LRRIQ1: variants seen among roughly 807,000 people sequenced by gnomAD.
LRRIQ1 encodes the protein leucine-rich repeat- and IQ domain-containing protein 1.
In LRRIQ1, 210 loss-of-function variants were observed where a neutral mutation model predicts 211.9. The ratio of observed to expected loss-of-function variants is 0.99; its 90% confidence interval spans 0.89 to 1.11. LRRIQ1 has a LOEUF of 1.11. Ranked by LOEUF, LRRIQ1 falls within the 50% of genes most tolerant of loss-of-function variation. The pLI is 0.00. For missense variants in LRRIQ1, 2,136 were observed against 1,939.5 expected, an observed-to-expected ratio of 1.10 and a Z score of -1.90; for synonymous variants, 699 against 650.1, an observed-to-expected ratio of 1.08 and a Z score of -1.14.
At chr12:85,181,019 A>G (rs1891954993) in intron 24 of LRRIQ1, among the ~76,000 whole-genome samples, 1 of 138,382 alleles carries the variant, frequency 7.2e-6, no homozygotes, top group African/African-American at 2.8e-5. Flanking sequence ...CAAATTTGAT[A>G]AGCAGGTTTA....
Position 85,192,687 on chromosome 12 carries a change from T to A in LRRIQ1, c.4822+31973T>A, listed in dbSNP as rs1232802526. ...TATATAGTTATATACTATAATTATATATAAATATATAGTTATATACTATAA... is the reference window on the plus strand; with the variant it reads ...TATATAGTTATATACTATAATTATAAATAAATATATAGTTATATACTATAA... On this transcript the variant is annotated intron_variant, in intron 24 of 26. Coordinates refer to ENST00000393217, the MANE Select transcript of LRRIQ1 (RefSeq NM_001079910.2). Among the ~76,000 whole-genome samples, 7 of 61,672 alleles carry A rather than the reference T, an allele frequency of 1.1e-4. 1 individual carries two copies. Among genetic ancestry groups the A allele is most frequent in the South Asian group, 8.5e-4 (2 of 2,350 alleles). 40.5% of individuals were successfully genotyped at this position (61,672 alleles called of 152,430 possible). A position where few individuals can be genotyped will look rare whatever the true frequency, so the allele number is the denominator to read the frequency against.
At chr12:85,210,863 A>G (rs1468085695) in intron 24 of LRRIQ1, among the ~76,000 whole-genome samples, 1 of 152,218 alleles carries the variant, frequency 6.6e-6, no homozygotes, top group African/African-American at 2.4e-5. Context: ...GCTCAGCACT[A>G]TAAAGATAAT....
At position 85,065,288 on chromosome 12, in the gene LRRIQ1, G is replaced by T. The variant is rs1277488547; in HGVS notation, c.2418G>T (p.Leu806Phe). Residue 806 changes from leucine to phenylalanine, a missense_variant, in exon 9 of 27, where the codon TTG (leucine) becomes TTT (phenylalanine). Physicochemically the swap from Leu to Phe is conservative, Grantham distance 22. Coordinates refer to ENST00000393217, the MANE Select transcript of LRRIQ1 (RefSeq NM_001079910.2). Reference sequence around the variant, plus strand: ...TTACAACAGTTACATTTCAAGATTTGCCAGGCTGTGTTCTCTCCACACTGG... The same window carrying T: ...TTACAACAGTTACATTTCAAGATTTTCCAGGCTGTGTTCTCTCCACACTGG... ...QQVTTVTFQDLPGCVLSTLAE... is the reference protein window; with the variant it reads ...QQVTTVTFQDFPGCVLSTLAE... 1.9e-6 allele frequency: 3 copies of T among 1,609,482 alleles called. No individual in the cohort carries two copies. The highest frequency in any genetic ancestry group is 1.1e-5 in the South Asian group (1 of 90,808).
rs540082543 is a variant in LRRIQ1 at position 85,231,591 on chromosome 12, G to C, written c.4956-1105G>C. ...GAGTTGTTCAAGGAACATGGCACCAGAATCTGCTTGGTGTCTGATGCCAGG... is the reference window on the plus strand; with the variant it reads ...GAGTTGTTCAAGGAACATGGCACCACAATCTGCTTGGTGTCTGATGCCAGG... On this transcript the variant is annotated intron_variant, in intron 25 of 26. Coordinates refer to ENST00000393217, the MANE Select transcript of LRRIQ1 (RefSeq NM_001079910.2). 2.0e-5 allele frequency among the ~76,000 whole-genome samples: 3 copies of C among 152,302 alleles called. No homozygotes were observed. In the East Asian group the frequency reaches 5.8e-4, roughly 29 times the overall value.
At chr12:85,208,772 T>A (rs1893690532) in intron 24 of LRRIQ1, among the ~76,000 whole-genome samples, 1 of 152,186 alleles carries the variant, frequency 6.6e-6, no homozygotes, top group Non-Finnish European at 1.5e-5. Flanking sequence ...ATGCATTATC[T>A]ATGCAGTTAT....
chr12:85,052,352 TATAAG>T (rs1880443547), intron 7 of LRRIQ1, 101 bp downstream of exon 7: 3 of 567,698 alleles, frequency 5.3e-6, no homozygotes, highest in Middle Eastern at 2.9e-4. Context: ...GCCTAAGTAG[TATAAG>T]ATTTTAGTTT....
Position 85,153,100 on chromosome 12 carries a change from A to G in LRRIQ1, c.4496A>G (p.Asp1499Gly), listed in dbSNP as rs1363405775. The change falls in exon 21 of 27, where the codon GAC (aspartate) becomes GGC (glycine). Residue 1499 changes from aspartate (D) to glycine (G), a missense_variant. Coordinates refer to ENST00000393217, the MANE Select transcript of LRRIQ1 (RefSeq NM_001079910.2). ...SNPAQAWLCN[D>G]KENLSSSEHT... Reference sequence around the variant, plus strand: ...CCAGCTCAAGCATGGTTATGTAATGACAAAGAAAATTTGTCTTCTTCAGAA... The same window carrying G: ...CCAGCTCAAGCATGGTTATGTAATGGCAAAGAAAATTTGTCTTCTTCAGAA... The G allele has an allele frequency of 1.3e-6, 2 of 1,590,742 alleles. No homozygotes were observed. The highest frequency in any genetic ancestry group is 3.5e-5 in the Admixed American group (2 of 57,516).
intron 7 of LRRIQ1, 58 bp from the exon 8 acceptor site, chr12:85,055,487 ATT>A (rs1432602780): frequency 2.4e-6 from 3 of 1,268,462 alleles, no homozygotes; most frequent in East Asian, 2.8e-5. Context: ...TTCAGATGAC[ATT>A]TTAGTAACAT....
chr12:85,088,182 G>A (rs1885021007), intron 11 of LRRIQ1, among the ~76,000 whole-genome samples: 1 of 152,094 alleles, frequency 6.6e-6, no homozygotes, highest in Non-Finnish European at 1.5e-5. Context: ...AGTTTTCCCA[G>A]CACCATTTAT....
rs189910014 is a variant in LRRIQ1 at position 85,229,739 on chromosome 12, C to T, written c.4955+90C>T. On this transcript the variant is annotated intron_variant, in intron 25 of 26. Coordinates refer to ENST00000393217, the MANE Select transcript of LRRIQ1 (RefSeq NM_001079910.2). ...GTTAATTGTGCTAAAACAAACATGA[C>T]TTTATTGCCAAAGGCCAATACGCTA... 7.1e-4 allele frequency: 954 copies of T among 1,349,688 alleles called. 2 individuals carry two copies. Among genetic ancestry groups the T allele is most frequent in the Admixed American group, 1.9e-3 (87 of 46,688 alleles). The allele number at this position is 1,349,688 out of a possible 1,614,324, so 83.6% of individuals were successfully genotyped here. A position where few individuals can be genotyped will look rare whatever the true frequency, so the allele number is the denominator to read the frequency against.
At chr12:85,138,714 A>T (rs371318750) in intron 19 of LRRIQ1, among the ~76,000 whole-genome samples, 2 of 151,698 alleles carry the variant, frequency 1.3e-5, no homozygotes, top group East Asian at 3.9e-4. Context: ...AAATTTTTAA[A>T]TGCTGTAATT....
intron 19 of LRRIQ1, among the ~76,000 whole-genome samples, chr12:85,142,727 C>T (rs999794869): frequency 1.3e-5 from 2 of 151,556 alleles, no homozygotes; most frequent in African/African-American, 4.8e-5. Flanking sequence ...GAGGTATTCT[C>T]TTTCTGTGCC....
chr12:85,115,310 A>G lies in LRRIQ1; in HGVS notation c.3378-6387A>G, dbSNP rs182563841. Among the ~76,000 whole-genome samples the G allele has an allele frequency of 1.4e-4, 21 of 152,320 alleles. No homozygotes were observed. In the East Asian group the frequency reaches 2.7e-3, roughly 20 times the overall value. On this transcript the variant is annotated intron_variant, in intron 15 of 26. Coordinates refer to ENST00000393217, the MANE Select transcript of LRRIQ1 (RefSeq NM_001079910.2). ...AGTCTGCATTTAGAACTTGAGGCCA[A>G]TCCATGCACTGCTCTGTTATGCAGT...
chr12:85,222,875 G>A (rs1894466469), intron 24 of LRRIQ1, among the ~76,000 whole-genome samples: 1 of 152,046 alleles, frequency 6.6e-6, no homozygotes, highest in Non-Finnish European at 1.5e-5. Context: ...CCACATATAG[G>A]ACTGCTCACT....
intron 8 of LRRIQ1, among the ~76,000 whole-genome samples, chr12:85,062,657 A>G (rs191835062): frequency 1.3e-5 from 2 of 151,680 alleles, no homozygotes; most frequent in African/African-American, 4.8e-5. Flanking sequence ...TGCTGCGATG[A>G]ACATACCGAT....
Position 85,118,499 on chromosome 12 carries a change from G to GTTTT in LRRIQ1, c.3378-3185_3378-3182dup, listed in dbSNP as rs71445022. Among the ~76,000 whole-genome samples the GTTTT allele has an allele frequency of 1.9e-3, 247 of 127,836 alleles. 1 individual carries two copies. The highest frequency in any genetic ancestry group is 4.2e-3 in the South Asian group (16 of 3,820). 83.9% of individuals were successfully genotyped at this position (127,836 alleles called of 152,430 possible). A position where few individuals can be genotyped will look rare whatever the true frequency, so the allele number is the denominator to read the frequency against. On this transcript the variant is annotated intron_variant, in intron 15 of 26. Coordinates refer to ENST00000393217, the MANE Select transcript of LRRIQ1 (RefSeq NM_001079910.2). ...CTGCTCTCAGTACATGAAAAACTAT[G>GTTTT]TTTTTTTTTTTTTTTTGCTTTTATA... is the stretch of plus-strand genomic sequence containing the variant.
intron 3 of LRRIQ1, among the ~76,000 whole-genome samples, chr12:85,042,495 TTTA>T (rs1161547386): frequency 1.8e-4 from 26 of 148,456 alleles, no homozygotes; most frequent in Admixed American, 2.0e-4. Flanking sequence ...TCATCATAAG[TTTA>T]TTATTCATTA....
chr12:85,130,651 C>G (rs1268139888), intron 18 of LRRIQ1, among the ~76,000 whole-genome samples: 3 of 152,160 alleles, frequency 2.0e-5, no homozygotes, highest in African/African-American at 7.2e-5. Flanking sequence ...ATTTTCACAT[C>G]TGTTGGGAAC....
chr12:85,148,447 A>G (rs1797576758), intron 19 of LRRIQ1, among the ~76,000 whole-genome samples: 1 of 151,934 alleles, frequency 6.6e-6, no homozygotes, highest in Admixed American at 6.6e-5. Context: ...GATGGCTTCC[A>G]GTTTCACCCA....
Sources: gnomAD v4.1 joint callset for allele counts (sites outside exome capture counted in the v4.1 genomes callset) on GRCh38, gnomAD v4.1.1 for gene constraint, MANE v1.5 for transcripts, NCBI Gene and HGNC (gene_info 2026-07-23, HGNC 2026-07-21) for gene names.